Variants in ZMYM6 observed in about 807,000 individuals in gnomAD.
ZMYM6 encodes the protein zinc finger MYM-type protein 6.
ZMYM6 carries 90 observed loss-of-function variants against 134.0 expected under a neutral mutation model. That is an observed-to-expected ratio of 0.67 (90% CI 0.57 to 0.80). The LOEUF (loss-of-function observed/expected upper bound fraction) is 0.80. ZMYM6 is among the 30% of genes least tolerant of loss of function. The pLI, the probability that ZMYM6 is intolerant of heterozygous loss-of-function variation, is 0.00. For synonymous variants in ZMYM6, 481 were observed against 524.1 expected (o/e 0.92, Z 1.12); for missense variants, 1,362 against 1,533.9 (o/e 0.89, Z 1.87).
chr1:35,020,832 A>G (rs1327725150), intron 2 of ZMYM6, among the ~76,000 whole-genome samples: 1 of 151,910 alleles, frequency 6.6e-6, no homozygotes, highest in Non-Finnish European at 1.5e-5. Context: ...CAGCCTCCCA[A>G]AGTGCTGGGA....
At chr1:34,989,254 T>C (rs1163052269) in intron 15 of ZMYM6, 3 of 1,052,976 alleles carry the variant, frequency 2.8e-6, no homozygotes, top group Non-Finnish European at 3.4e-6. Flanking sequence ...AATAAACTTT[T>C]TGGCTGAGCA....
chr1:35,020,425 A>ATTTACTTTC lies in ZMYM6; in HGVS notation c.127_135dup (p.Glu43_Lys45dup). ...ACTGAAGACACACCACCAATTTTCA[A>ATTTACTTTC]TTTACTTTCTTGAGTTTTTGGCTGT... On this transcript the variant is annotated inframe_insertion, in exon 3 of 16. Coordinates refer to ENST00000357182, the MANE Select transcript of ZMYM6 (RefSeq NM_007167.4). 1 of 1,612,528 alleles carries ATTTACTTTC rather than the reference A, an allele frequency of 6.2e-7. No homozygotes were observed. The highest frequency in any genetic ancestry group is 1.3e-5 in the African/African-American group (1 of 74,838).
intron 14 of ZMYM6, 104 bp from the exon 15 acceptor site, chr1:34,992,491 T>A: frequency 8.1e-7 from 1 of 1,241,794 alleles, no homozygotes; most frequent in Non-Finnish European, 1.1e-6. Flanking sequence ...AAGAGAAATA[T>A]AATTCCTCTG....
chr1:34,988,373 T>C lies in ZMYM6; in HGVS notation c.2709A>G (p.Arg903=), dbSNP rs974693781. The change falls in exon 16 of 16, where the codon AGA becomes AGG. Residue 903 remains arginine (R), a synonymous_variant. Coordinates refer to ENST00000357182, the MANE Select transcript of ZMYM6 (RefSeq NM_007167.4). ...TCTGAAGGGCAAACCACTTTGACTC[T>C]CTGACCTTTTGAATCAGCTGGTCTT... ...DIEDQLIQKV[R]ESKWFALQID... 3 of 1,551,564 alleles carry C rather than the reference T, an allele frequency of 1.9e-6. No homozygotes were observed. In the African/African-American group the frequency reaches 4.1e-5, roughly 21 times the overall value.
intron 14 of ZMYM6, among the ~76,000 whole-genome samples, chr1:34,994,222 C>G (rs1011237749): frequency 3.3e-5 from 5 of 151,758 alleles, no homozygotes; most frequent in African/African-American, 1.2e-4. Context: ...GAGGAAGACA[C>G]AAAAAATAAA....
chr1:35,020,471 TAAAAAAAAAAAG>T lies in ZMYM6; in HGVS notation c.94-16_94-5del, dbSNP rs1641286156. The T allele has an allele frequency of 9.6e-7, 1 of 1,036,760 alleles. No homozygotes were observed. Among genetic ancestry groups the T allele is most frequent in the African/African-American group, 1.5e-5 (1 of 65,490 alleles). The allele number at this position is 1,036,760 out of a possible 1,614,324, so 64.2% of individuals were successfully genotyped here. On this transcript the variant is annotated splice_polypyrimidine_tract_variant and splice_region_variant and intron_variant, in intron 2 of 15. Coordinates refer to ENST00000357182, the MANE Select transcript of ZMYM6 (RefSeq NM_007167.4). ...GCTGTTGGACACATCCATACTCCTT[TAAAAAAAAAAAG>T]AAAAGAGAAAAGAGCAATGAATACA...
At position 34,999,327 on chromosome 1, in the gene ZMYM6, A is replaced by G. The variant is rs115363068; in HGVS notation, c.1992+4641T>C. Among the ~76,000 whole-genome samples, 477 of 152,334 alleles carry G rather than the reference A, an allele frequency of 3.1e-3. 1 individual carries two copies. The highest frequency in any genetic ancestry group is 0.011 in the African/African-American group (462 of 41,580). ...CAGTTTCAATGCAGTGGTGCAGACA[A>G]AAGCCTGACTGGAATGACCTAAGGA... is the stretch of plus-strand genomic sequence containing the variant. On this transcript the variant is annotated intron_variant, in intron 14 of 15. Coordinates refer to ENST00000357182, the MANE Select transcript of ZMYM6 (RefSeq NM_007167.4).
chr1:35,005,132 C>T lies in ZMYM6; in HGVS notation c.1954G>A (p.Gly652Ser), dbSNP rs1323047354. 2 of 1,613,862 alleles carry T rather than the reference C, an allele frequency of 1.2e-6. No homozygotes were observed. Among genetic ancestry groups the T allele is most frequent in the Non-Finnish European group, 1.7e-6 (2 of 1,179,946 alleles). ...STGNTNSVLK[G>S]AVTKEAAKII... is the part of the protein sequence containing the mutation. ...CAAATGCCATTATATCAAGTCATAC[C>T]TTTTAAAACACTGTTAGTGTTCCCT... The change falls in exon 13 of 16, where the codon GGT becomes AGT. Residue 652 changes from glycine to serine, a missense_variant and splice_region_variant. Coordinates refer to ENST00000357182, the MANE Select transcript of ZMYM6 (RefSeq NM_007167.4).
intron 2 of ZMYM6, among the ~76,000 whole-genome samples, chr1:35,024,422 A>C (rs1382125122): frequency 6.6e-6 from 1 of 152,130 alleles, no homozygotes; most frequent in Non-Finnish European, 1.5e-5. Context: ...GCAGTTTACC[A>C]CTTGAATGTC....
intron 6 of ZMYM6, among the ~76,000 whole-genome samples, chr1:35,014,072 AC>A (rs1641139596): frequency 6.6e-6 from 1 of 152,256 alleles, no homozygotes; most frequent in Admixed American, 6.5e-5. Flanking sequence ...ATATTTAGTA[AC>A]CGGCTTAATC....
chr1:34,989,300 C>T (rs955131407), intron 15 of ZMYM6: 2 of 980,226 alleles, frequency 2.0e-6, no homozygotes, highest in African/African-American at 3.5e-5. Context: ...TGCTTTGGGA[C>T]ACCAAGGTGG....
Position 34,988,856 on chromosome 1 carries a change from C to A in ZMYM6, c.2226G>T (p.Gln742His). The A allele has an allele frequency of 6.2e-7, 1 of 1,602,940 alleles. No homozygotes were observed. Among genetic ancestry groups the A allele is most frequent in the Non-Finnish European group, 8.5e-7 (1 of 1,173,340 alleles). ...CTTTTAAATATTCTGTATCATAAGT[C>A]TGGAAAAAACCTAATCTTTTTTTCT... ...PSKKKRLGFF[Q>H]TYDTEYLKVG... Residue 742 changes from glutamine (Q) to histidine (H), a missense_variant, in exon 16 of 16, where the codon CAG becomes CAT. This residue lies in a region of ZMYM6 where 824 missense variants were observed against 940.9 expected (regional missense o/e 0.88). Transcript: ENST00000357182.
At chr1:34,994,999 ATG>A in intron 14 of ZMYM6, among the ~76,000 whole-genome samples, 1 of 138,906 alleles carries the variant, frequency 7.2e-6, no homozygotes, top group Admixed American at 7.3e-5. Flanking sequence ...ATATGTATAT[ATG>A]TATACATATA....
chr1:34,991,107 G>A (rs756627873), intron 15 of ZMYM6, among the ~76,000 whole-genome samples: 22 of 152,230 alleles, frequency 1.4e-4, no homozygotes, highest in Non-Finnish European at 1.6e-4. Flanking sequence ...CAGGTGATCC[G>A]CCCATGTTGG....
rs765967260 is a variant in ZMYM6 at position 34,988,068 on chromosome 1, G to A, written c.3014C>T (p.Ala1005Val). The A allele has an allele frequency of 2.7e-5, 42 of 1,551,340 alleles. No individual in the cohort carries two copies. The highest frequency in any genetic ancestry group is 3.3e-4 in the Middle Eastern group (2 of 6,014). The change falls in exon 16 of 16, where the codon GCG becomes GTG. Residue 1005 changes from alanine (A) to valine (V), a missense_variant. By Grantham distance (64) the Ala-to-Val change is moderately conservative. This residue lies in a region of ZMYM6 where 824 missense variants were observed against 940.9 expected (regional missense o/e 0.88). Transcript: ENST00000357182. Reference sequence around the variant, plus strand: ...GTGAATAAAACAATGTGTAAATGCCGCTGTATTCATGGCAACTTCTTGAAT... The same window carrying A: ...GTGAATAAAACAATGTGTAAATGCCACTGTATTCATGGCAACTTCTTGAAT... ...AKIQEVAMNT[A>V]AFTHCFIHRE...
intron 4 of ZMYM6, among the ~76,000 whole-genome samples, chr1:35,016,086 G>A (rs1641182771): frequency 6.6e-6 from 1 of 151,698 alleles, no homozygotes; most frequent in Admixed American, 6.6e-5. Context: ...CGAGTAGCTG[G>A]GACACCAGCA....
At chr1:35,024,803 G>C (rs1319717174) in intron 2 of ZMYM6, among the ~76,000 whole-genome samples, 1 of 151,796 alleles carries the variant, frequency 6.6e-6, no homozygotes, top group South Asian at 2.1e-4. Context: ...TATAGATTTA[G>C]GGCTCCTTCC....
intron 6 of ZMYM6, 88 bp from the exon 7 acceptor site, chr1:35,012,669 A>C (rs1641107510): frequency 6.5e-7 from 1 of 1,527,030 alleles, no homozygotes; most frequent in Non-Finnish European, 8.7e-7. Flanking sequence ...GCTACCTACA[A>C]CCACGGTCCT....
chr1:34,989,005 C>T (rs767699581), intron 15 of ZMYM6, 70 bp from the exon 16 acceptor site: 2 of 1,536,976 alleles, frequency 1.3e-6, no homozygotes, highest in Admixed American at 2.3e-5. Flanking sequence ...TATCTCCCCA[C>T]ATATTTAAAA....
Sources: allele counts gnomAD v4.1 joint callset (sites outside exome capture counted in the v4.1 genomes callset), GRCh38; gene constraint gnomAD v4.1.1; regional missense constraint gnomAD v4.1.1; transcripts MANE v1.5; gene names NCBI Gene and HGNC (gene_info 2026-07-23, HGNC 2026-07-21).